The following CFAP57 variants were observed in gnomAD, a reference collection of about 807,000 sequenced individuals.
CFAP57 encodes the protein cilia and flagella associated protein 57.
Under a neutral mutation model 146.8 loss-of-function variants are expected in CFAP57, and 116 were observed. The ratio of observed to expected loss-of-function variants is 0.79; its 90% CI spans 0.68 to 0.92. The LOEUF is 0.92. Among genes scored for constraint, CFAP57 ranks in the 40% least tolerant of loss-of-function variants. The pLI is 0.00. For synonymous variants in CFAP57, 518 were observed against 552.8 expected, an observed-to-expected ratio of 0.94 and a Z score of 0.88; for missense variants, 1,377 against 1,527.2, an observed-to-expected ratio of 0.90 and a Z score of 1.64.
At position 43,252,374 on chromosome 1, in the gene CFAP57, T is replaced by G. The variant is rs1335135929; in HGVS notation, c.3539-1603T>G. Among the ~76,000 whole-genome samples, 6 of 152,154 alleles carry G rather than the reference T, an allele frequency of 3.9e-5. No homozygotes were observed. The East Asian group carries it at 9.7e-4, about 24-fold the overall frequency. On this transcript the variant is annotated intron_variant, in intron 22 of 22. Transcript: ENST00000372492. Reference sequence around the variant, plus strand: ...ACCAAAAGTCCCTACTCAGACAAGTTTTAGTCTAGAATTTGCATTCAATTT... The same window carrying G: ...ACCAAAAGTCCCTACTCAGACAAGTGTTAGTCTAGAATTTGCATTCAATTT...
chr1:43,206,715 T>C lies in CFAP57; in HGVS notation c.1543-5T>C. The C allele has an allele frequency of 6.2e-7, 1 of 1,614,020 alleles. No individual in the cohort carries two copies. The highest frequency in any genetic ancestry group is 8.5e-7 in the Non-Finnish European group (1 of 1,180,012). On this transcript the variant is annotated splice_region_variant and splice_polypyrimidine_tract_variant and intron_variant, in intron 9 of 22. Transcript: ENST00000372492. Reference sequence around the variant, plus strand: ...CTTCACTGGATATGTCTTCCTCTCCTGCAGATTCGCTCAATTGTGTGGAAT... The same window carrying C: ...CTTCACTGGATATGTCTTCCTCTCCCGCAGATTCGCTCAATTGTGTGGAAT...
intron 18 of CFAP57, among the ~76,000 whole-genome samples, chr1:43,230,996 C>T (rs1645444367): frequency 6.6e-6 from 1 of 152,212 alleles, no homozygotes; most frequent in Admixed American, 6.5e-5. Flanking sequence ...TTCTATATAA[C>T]TCTGCCAACA....
chr1:43,219,764 G>A (rs1413805722), intron 13 of CFAP57: 4 of 427,702 alleles, frequency 9.4e-6, no homozygotes, highest in African/African-American at 8.2e-5. Flanking sequence ...ACCACTTGAG[G>A]TCAGGAGTTC....
At chr1:43,183,451 C>A in intron 3 of CFAP57, 140 bp from the exon 4 acceptor site, 1 of 776,270 alleles carries the variant, frequency 1.3e-6, no homozygotes, top group Non-Finnish European at 2.1e-6. Context: ...TTATCAAATG[C>A]AGCATAAAGT....
At chr1:43,208,191 C>T (rs1644437486) in intron 10 of CFAP57, among the ~76,000 whole-genome samples, 1 of 152,202 alleles carries the variant, frequency 6.6e-6, no homozygotes. Flanking sequence ...AATAATTTTA[C>T]ACTGTTGGTG....
At chr1:43,222,438 C>A in intron 15 of CFAP57, 143 bp downstream of exon 15, 1 of 687,890 alleles carries the variant, frequency 1.5e-6, no homozygotes. Flanking sequence ...GAACTTATAT[C>A]AAATGGGAGA....
intron 2 of CFAP57, 144 bp from the exon 3 acceptor site, chr1:43,181,390 A>G (rs1645400648): frequency 3.1e-6 from 3 of 972,624 alleles, no homozygotes; most frequent in South Asian, 2.9e-5. Context: ...TTTTCATAAT[A>G]CCCAAACACA....
At chr1:43,221,600 C>T in intron 14 of CFAP57, 135 bp downstream of exon 14, 1 of 511,854 alleles carries the variant, frequency 2.0e-6, no homozygotes, top group East Asian at 3.3e-5. Context: ...CATGTATCCC[C>T]TGGAACTCAC....
rs1401873202 is a variant in CFAP57, at chr1:43,234,337, C to A, written c.3185C>A (p.Ala1062Asp). 1.4e-5 allele frequency: 22 copies of A among 1,550,260 alleles called. No homozygotes were observed. The highest frequency in any genetic ancestry group is 1.9e-5 in the Non-Finnish European group (22 of 1,146,948). The change falls in exon 20 of 23, where the codon GCC (alanine) becomes GAC (aspartate). Residue 1062 changes from alanine to aspartate, a missense_variant. Transcript: ENST00000372492. ...AAAACAGACCTCCACAACTGCGTAG[C>A]CTATATTCAGGAACCGCGGCTGCTG... The part of the protein sequence containing the change: ...RFKTDLHNCV[A>D]YIQEPRLLKE...
At chr1:43,207,058 A>G in intron 10 of CFAP57, 126 bp downstream of exon 10, 1 of 899,156 alleles carries the variant, frequency 1.1e-6, no homozygotes, top group Non-Finnish European at 1.8e-6. Context: ...TTCCCAAGAT[A>G]ACATCAGGCT....
At position 43,199,385 on chromosome 1, in the gene CFAP57, T is replaced by C. The variant is rs1291579948; in HGVS notation, c.1429-5T>C. On this transcript the variant is annotated splice_region_variant and splice_polypyrimidine_tract_variant and intron_variant, in intron 8 of 22. Transcript: ENST00000372492. ...TGCTTGCTCTCTTGCTGTCTTTCCC[T>C]ATAGTGTTCCTTTAGCAATGGAGGT... The C allele has an allele frequency of 6.2e-7, 1 of 1,613,798 alleles. No individual in the cohort carries two copies. The highest frequency in any genetic ancestry group is 1.7e-5 in the Admixed American group (1 of 60,000).
intron 22 of CFAP57, among the ~76,000 whole-genome samples, 200 bp downstream of exon 22, chr1:43,243,559 C>G (rs1175937872): frequency 6.6e-6 from 1 of 152,210 alleles, no homozygotes; most frequent in Non-Finnish European, 1.5e-5. Flanking sequence ...GGTCCACAGT[C>G]CCCTGGCTGA....
chr1:43,183,850 GC>G lies in CFAP57; in HGVS notation c.736del (p.Leu246TrpfsTer10), dbSNP rs761385197. The part of the protein sequence containing the change: ...MVKEPTNGSK[S>X]LDVIQESESL... ...AAGGAACCTACCAATGGCTCAAAGA[GC>G]CTGGATGTCATTCAGGAATCAGAGA... On this transcript the variant is annotated frameshift_variant, in exon 4 of 23. Transcript: ENST00000372492. LOFTEE classifies it high-confidence loss of function. 3.7e-6 allele frequency: 6 copies of G among 1,614,034 alleles called. No homozygotes were observed. In the Admixed American group the frequency reaches 1.0e-4, roughly 27 times the overall value.
chr1:43,244,537 C>T (rs1237726065), intron 22 of CFAP57, among the ~76,000 whole-genome samples: 2 of 152,128 alleles, frequency 1.3e-5, no homozygotes, highest in African/African-American at 4.8e-5. Context: ...CAAGAGTAAA[C>T]CCTGAGTAGT....
In CFAP57 at chr1:43,227,080, A is replaced by G; in HGVS notation, c.2963A>G (p.Glu988Gly). ...ATAAAGGAGCTGAAGAAGCAAATAGAACCTCGAGAGAATGAGATCAGGGTG... is the reference window on the plus strand; with the variant it reads ...ATAAAGGAGCTGAAGAAGCAAATAGGACCTCGAGAGAATGAGATCAGGGTG... ...YKIKELKKQI[E>G]PRENEIRVMK... Residue 988 changes from glutamate to glycine, a missense_variant, in exon 18 of 23, where the codon GAA becomes GGA. Glu to Gly is a moderately conservative substitution (Grantham distance 98). Coordinates refer to ENST00000372492, the MANE Select transcript of CFAP57 (RefSeq NM_001378189.1). 1 of 1,545,382 alleles carries G rather than the reference A, an allele frequency of 6.5e-7. No individual in the cohort carries two copies.
At chr1:43,210,020 C>T in intron 11 of CFAP57, 104 bp downstream of exon 11, 1 of 1,613,724 alleles carries the variant, frequency 6.2e-7, no homozygotes, top group African/African-American at 1.3e-5. Flanking sequence ...CTTCTTCTCT[C>T]TTATTTATTC....
intron 9 of CFAP57, among the ~76,000 whole-genome samples, chr1:43,202,404 G>A (rs1446714697): frequency 9.2e-5 from 14 of 152,014 alleles, no homozygotes; most frequent in Non-Finnish European, 1.5e-5. Context: ...GACTGATGAA[G>A]AAAAAATTAA....
intron 2 of CFAP57, among the ~76,000 whole-genome samples, chr1:43,174,643 C>G (rs1379624267): frequency 3.3e-5 from 5 of 152,122 alleles, no homozygotes; most frequent in Admixed American, 3.3e-4. Context: ...TAGTGAAACC[C>G]CGTCTCTACT....
chr1:43,241,746 T>C (rs1645930788), intron 21 of CFAP57, among the ~76,000 whole-genome samples: 1 of 152,130 alleles, frequency 6.6e-6, no homozygotes, highest in Non-Finnish European at 1.5e-5. Context: ...TCAGGGCCCA[T>C]TCCAGACCTA....
Sources: gnomAD v4.1 joint callset for allele counts (sites outside exome capture counted in the v4.1 genomes callset) on GRCh38, gnomAD v4.1.1 for gene constraint, MANE v1.5 for transcripts, NCBI Gene and HGNC (gene_info 2026-07-23, HGNC 2026-07-21) for gene names.